Variants in ITGBL1 observed in about 807,000 individuals in gnomAD.
ITGBL1 encodes the protein integrin subunit beta like 1.
ITGBL1 carries 51 observed loss-of-function variants against 68.5 expected under a neutral mutation model. That is an observed-to-expected ratio of 0.74 (90% CI 0.59 to 0.94). ITGBL1 has a LOEUF of 0.94. Ranked by LOEUF, ITGBL1 falls within the 40% of genes least tolerant of loss-of-function variation. The probability of loss-of-function intolerance (pLI) is 0.00; values close to 1 mark genes in which losing one functional copy is unlikely to be tolerated. For missense variants in ITGBL1, 649 were observed against 647.4 expected (o/e 1.00, Z -0.03); for synonymous variants, 209 against 227.3 (o/e 0.92, Z 0.72).
rs532614367 is a variant in ITGBL1, at chr13:101,605,764, A to G, written c.1015+7465A>G. 9.3e-5 allele frequency among the ~76,000 whole-genome samples: 12 copies of G among 128,594 alleles called. No homozygotes were observed. In the East Asian group the frequency reaches 1.4e-3, roughly 15 times the overall value. 84.4% of individuals were successfully genotyped at this position (128,594 alleles called of 152,430 possible). A position where few individuals can be genotyped will look rare whatever the true frequency, so the allele number is the denominator to read the frequency against. On this transcript the variant is annotated intron_variant, in intron 7 of 10. Transcript: ENST00000376180. ...CATATGTATGTGCGTATATGTGTGT[A>G]CACGTGTGTAGGCATATGTATGTGC...
At chr13:101,503,501 G>A (rs1022993530) in intron 2 of ITGBL1, among the ~76,000 whole-genome samples, 1 of 152,120 alleles carries the variant, frequency 6.6e-6, no homozygotes, top group Non-Finnish European at 1.5e-5. Context: ...GGGCCCCCAG[G>A]TGGGCCAGGA....
intron 7 of ITGBL1, among the ~76,000 whole-genome samples, chr13:101,678,588 C>T (rs529138514): frequency 4.0e-5 from 6 of 151,830 alleles, no homozygotes; most frequent in Non-Finnish European, 1.5e-5. Context: ...CAACCTCTGC[C>T]TCCTGGGTTC....
chr13:101,543,009 C>T (rs1208018236), intron 2 of ITGBL1, among the ~76,000 whole-genome samples: 1 of 152,124 alleles, frequency 6.6e-6, no homozygotes, highest in African/African-American at 2.4e-5. Flanking sequence ...GACTCTTTAT[C>T]CAATTTGCCA....
At chr13:101,539,399 G>A (rs2049645081) in intron 2 of ITGBL1, among the ~76,000 whole-genome samples, 1 of 152,036 alleles carries the variant, frequency 6.6e-6, no homozygotes, top group South Asian at 2.1e-4. Context: ...TTTTATGGCT[G>A]CATAGTATTC....
chr13:101,696,165 C>T (rs2033998128), intron 8 of ITGBL1, among the ~76,000 whole-genome samples: 1 of 152,110 alleles, frequency 6.6e-6, no homozygotes, highest in South Asian at 2.1e-4. Context: ...CAAGAACTCC[C>T]ATGGGTATAT....
At chr13:101,534,763 A>T (rs535719732) in intron 2 of ITGBL1, among the ~76,000 whole-genome samples, 2 of 152,186 alleles carry the variant, frequency 1.3e-5, no homozygotes, top group Admixed American at 6.6e-5. Context: ...TAAAGGGCTT[A>T]TTAAGCTGTG....
chr13:101,496,337 C>T (rs1344260585), intron 2 of ITGBL1, among the ~76,000 whole-genome samples: 1 of 152,054 alleles, frequency 6.6e-6, no homozygotes, highest in Non-Finnish European at 1.5e-5. Context: ...TCCTGTAAGT[C>T]ATTTAAATTC....
rs112057046 is a variant in ITGBL1, at chr13:101,608,019, G to T, written c.1015+9720G>T. 9.8e-4 allele frequency among the ~76,000 whole-genome samples: 149 copies of T among 152,004 alleles called. 1 individual carries two copies. Among genetic ancestry groups the T allele is most frequent in the Non-Finnish European group, 1.8e-3 (123 of 67,924 alleles). On this transcript the variant is annotated intron_variant, in intron 7 of 10. Coordinates refer to ENST00000376180, the MANE Select transcript of ITGBL1 (RefSeq NM_004791.3). ...TTCTTTTATCAGACTTGTTCTATGC[G>T]GTATTGCATATGTTTTAGTTCCTTA...
At chr13:101,625,375 C>T (rs139755044) in intron 7 of ITGBL1, among the ~76,000 whole-genome samples, 67 of 152,210 alleles carry the variant, frequency 4.4e-4, no homozygotes, top group African/African-American at 1.6e-3. Context: ...TTTGCTTTGC[C>T]AATGAAAACT....
intron 2 of ITGBL1, among the ~76,000 whole-genome samples, chr13:101,490,151 A>G (rs1345108402): frequency 1.3e-5 from 2 of 152,094 alleles, no homozygotes; most frequent in African/African-American, 2.4e-5. Context: ...AGTTGAGTAC[A>G]TGAGGGTGGG....
intron 2 of ITGBL1, among the ~76,000 whole-genome samples, chr13:101,501,615 G>A (rs2048942063): frequency 6.6e-6 from 1 of 152,130 alleles, no homozygotes; most frequent in African/African-American, 2.4e-5. Context: ...GTGTTCCAGA[G>A]AATTGTAATG....
chr13:101,625,390 C>T (rs1178025759), intron 7 of ITGBL1, among the ~76,000 whole-genome samples: 6 of 152,138 alleles, frequency 3.9e-5, no homozygotes, highest in African/African-American at 7.2e-5. Flanking sequence ...AAAACTCAGC[C>T]GGCCAGGAAC....
chr13:101,497,706 G>A (rs1010655072), intron 2 of ITGBL1, among the ~76,000 whole-genome samples: 2 of 152,124 alleles, frequency 1.3e-5, no homozygotes, highest in East Asian at 1.9e-4. Context: ...GGAAGCTCTC[G>A]GTCCTTACTC....
At chr13:101,469,329 C>T (rs1162485154) in intron 2 of ITGBL1, among the ~76,000 whole-genome samples, 3 of 152,162 alleles carry the variant, frequency 2.0e-5, no homozygotes, top group Non-Finnish European at 4.4e-5. Context: ...ATGGGGACAT[C>T]CTGCCTACCT....
intron 2 of ITGBL1, among the ~76,000 whole-genome samples, chr13:101,512,144 C>T (rs1485942736): frequency 6.6e-6 from 1 of 152,110 alleles, no homozygotes; most frequent in East Asian, 1.9e-4. Flanking sequence ...AGTCATTTTA[C>T]TTCCAAGCTC....
intron 6 of ITGBL1, among the ~76,000 whole-genome samples, chr13:101,597,561 G>GT (rs1454656460): frequency 1.4e-4 from 21 of 147,516 alleles, no homozygotes; most frequent in East Asian, 4.0e-4. Context: ...TTGTTTTTTT[G>GT]TTTTTTTTGA....
chr13:101,647,521 CG>C (rs2032599582), intron 7 of ITGBL1, among the ~76,000 whole-genome samples: 1 of 152,248 alleles, frequency 6.6e-6, no homozygotes, highest in East Asian at 1.9e-4. Flanking sequence ...ATGGGAATGC[CG>C]TTAAGGCAGC....
intron 9 of ITGBL1, among the ~76,000 whole-genome samples, chr13:101,709,371 C>CAAAAAAAAAAAAAAAAAAAAAAAAAA: frequency 1.6e-5 from 1 of 61,198 alleles, no homozygotes; most frequent in Non-Finnish European, 2.7e-5. Flanking sequence ...GACTCCGTCT[C>CAAAAAAAAAAAAAAAAAAAAAAAAAA]AAAAAAAAAA....
intron 2 of ITGBL1, among the ~76,000 whole-genome samples, chr13:101,555,307 TA>T (rs773568128): frequency 2.3e-4 from 35 of 152,208 alleles, no homozygotes; most frequent in African/African-American, 5.8e-4. Context: ...GTTGTGCACA[TA>T]AAATGTACAA....
Sources: allele counts gnomAD v4.1 joint callset (sites outside exome capture counted in the v4.1 genomes callset), GRCh38; gene constraint gnomAD v4.1.1; transcripts MANE v1.5; gene names NCBI Gene and HGNC (gene_info 2026-07-23, HGNC 2026-07-21).